The following PRDM1 variants were observed in gnomAD, a reference collection of about 807,000 sequenced individuals.
PRDM1 encodes the protein PR/SET domain 1, also known as PR domain zinc finger protein 1.
PRDM1 carries 13 observed loss-of-function variants against 62.8 expected under a neutral mutation model. That is an observed-to-expected ratio of 0.21 (90% CI 0.13 to 0.33). PRDM1 has a LOEUF of 0.33. PRDM1 is among the 10% of genes least tolerant of loss of function. The probability of loss-of-function intolerance (pLI) is 1.00; values close to 1 mark genes in which losing one functional copy is unlikely to be tolerated. For missense variants in PRDM1, 895 were observed against 1,058.8 expected (o/e 0.85, Z 2.15); for synonymous variants, 396 against 417.6 (o/e 0.95, Z 0.63).
chr6:106,077,434 A>G (rs559583247), intron 1 of PRDM1, among the ~76,000 whole-genome samples: 81 of 152,330 alleles, frequency 5.3e-4, no homozygotes, highest in African/African-American at 1.9e-3. Context: ...ATGGAGCCCA[A>G]GGCTCCCTGT....
intron 1 of PRDM1, among the ~76,000 whole-genome samples, chr6:106,017,432 T>G (rs184961971): frequency 6.6e-6 from 1 of 152,328 alleles, no homozygotes; most frequent in East Asian, 1.9e-4. Context: ...ACACTCTTGC[T>G]CTGTGTGTGT....
In PRDM1 at chr6:106,109,474, G is replaced by A; in HGVS notation, c.*1988G>A. 4.3e-6 allele frequency: 1 copy of A among 233,592 alleles called. No individual in the cohort carries two copies. Among genetic ancestry groups the A allele is most frequent in the Non-Finnish European group, 8.5e-6 (1 of 117,948 alleles). The allele number at this position is 233,592 out of a possible 1,614,324, so 14.5% of individuals were successfully genotyped here. On this transcript the variant is annotated 3_prime_UTR_variant, in exon 7 of 7. Coordinates refer to ENST00000369096, the MANE Select transcript of PRDM1 (RefSeq NM_001198.4). ...CATCAACTAATGTTCACCTGTAGAAGAGAACAAATTTCGAATAATCCAGGG... is the reference window on the plus strand; with the variant it reads ...CATCAACTAATGTTCACCTGTAGAAAAGAACAAATTTCGAATAATCCAGGG...
intron 1 of PRDM1, among the ~76,000 whole-genome samples, chr6:106,011,576 C>T (rs1222578988): frequency 6.6e-6 from 1 of 152,074 alleles, no homozygotes; most frequent in Non-Finnish European, 1.5e-5. Flanking sequence ...GGGCAGTGCC[C>T]AGACAAGTGG....
intron 1 of PRDM1, among the ~76,000 whole-genome samples, chr6:106,039,675 G>T (rs1772966101): frequency 6.6e-6 from 1 of 152,050 alleles, no homozygotes. Flanking sequence ...AAATTCAAGT[G>T]TATAATTTTA....
At chr6:106,101,991 A>G (rs927646109) in intron 4 of PRDM1, among the ~76,000 whole-genome samples, 2 of 152,198 alleles carry the variant, frequency 1.3e-5, no homozygotes, top group African/African-American at 4.8e-5. Flanking sequence ...TTTTCTATCT[A>G]TCTAACTAAC....
chr6:106,023,032 C>T (rs895203375), intron 1 of PRDM1, among the ~76,000 whole-genome samples: 1 of 152,184 alleles, frequency 6.6e-6, no homozygotes, highest in Non-Finnish European at 1.5e-5. Flanking sequence ...TTCTTACTTA[C>T]AGACTGTCAG....
rs755026483 is a variant in PRDM1, at chr6:106,106,487, ACATGAATGC to A, written c.1893_1901del (p.His631_Cys633del). 6.2e-7 allele frequency: 1 copy of A among 1,614,186 alleles called. No homozygotes were observed. The highest frequency in any genetic ancestry group is 8.5e-7 in the Non-Finnish European group (1 of 1,180,030). On this transcript the variant is annotated inframe_deletion, in exon 6 of 7. Transcript: ENST00000369096. The surrounding 1 kb of genome is among the most constrained non-coding windows in gnomAD (Gnocchi z 4.4). ...ACCTGGTACACACGGGAGAAAAGCCACATGAATGCCAGGTGCGCAGTATTTTCTGGGTAG... is the reference window on the plus strand; with the variant it reads ...ACCTGGTACACACGGGAGAAAAGCCACAGGTGCGCAGTATTTTCTGGGTAG...
Position 106,109,029 on chromosome 6 carries a change from A to G in PRDM1, c.*1543A>G, listed in dbSNP as rs1161651127. On this transcript the variant is annotated 3_prime_UTR_variant, in exon 7 of 7. Coordinates refer to ENST00000369096, the MANE Select transcript of PRDM1 (RefSeq NM_001198.4). ...ATTTATACCACTATATCATATGTAT[A>G]TATATTTATAACCACTTAAATTGTG... is the stretch of plus-strand genomic sequence containing the variant. The G allele has an allele frequency of 4.9e-6, 1 of 204,282 alleles. No homozygotes were observed. The highest frequency in any genetic ancestry group is 1.9e-4 in the South Asian group (1 of 5,146). The allele number at this position is 204,282 out of a possible 1,614,324, so 12.7% of individuals were successfully genotyped here.
At chr6:106,064,735 G>A (rs1773405172) in intron 1 of PRDM1, among the ~76,000 whole-genome samples, 1 of 152,136 alleles carries the variant, frequency 6.6e-6, no homozygotes. Flanking sequence ...CCTTACAGAT[G>A]CTGAATTAAA....
intron 2 of PRDM1, among the ~76,000 whole-genome samples, chr6:106,093,768 A>AG (rs1244482354): frequency 6.6e-6 from 1 of 152,230 alleles, no homozygotes; most frequent in Non-Finnish European, 1.5e-5. Context: ...GGTGATTAAA[A>AG]GGGCAGATAG....
intron 1 of PRDM1, among the ~76,000 whole-genome samples, chr6:106,080,167 G>A (rs1289092777): frequency 6.6e-6 from 1 of 152,212 alleles, no homozygotes; most frequent in Non-Finnish European, 1.5e-5. Flanking sequence ...TAATTAGTGA[G>A]ATGTCAGCTA....
At chr6:106,080,263 G>A (rs1265972700) in intron 1 of PRDM1, among the ~76,000 whole-genome samples, 1 of 152,226 alleles carries the variant, frequency 6.6e-6, no homozygotes, top group Admixed American at 6.5e-5. Flanking sequence ...TGGATCCTAA[G>A]TGTGCCTCGT....
chr6:106,094,289 T>C (rs1774033077), intron 2 of PRDM1, among the ~76,000 whole-genome samples: 1 of 152,204 alleles, frequency 6.6e-6, no homozygotes, highest in Admixed American at 6.5e-5. Context: ...AGTAAAGTGA[T>C]AGGTAGGCTA....
intron 1 of PRDM1, among the ~76,000 whole-genome samples, chr6:106,007,922 A>G (rs1772501747): frequency 6.6e-6 from 1 of 152,064 alleles, no homozygotes; most frequent in South Asian, 2.1e-4. Flanking sequence ...CCTCTTCCCC[A>G]CTGCACCCTG....
chr6:106,030,996 C>CTTTTTTTTTTTTTTTT (rs11343130), intron 1 of PRDM1, among the ~76,000 whole-genome samples: 2 of 135,310 alleles, frequency 1.5e-5, no homozygotes, highest in Non-Finnish European at 3.2e-5. Flanking sequence ...TGTATTCTCT[C>CTTTTTTTTTTTTTTTT]TTTTTTTTTT....
chr6:106,093,873 T>TTTCA (rs1345965368), intron 2 of PRDM1, among the ~76,000 whole-genome samples: 2 of 152,232 alleles, frequency 1.3e-5, no homozygotes, highest in Non-Finnish European at 2.9e-5. Context: ...AACACTCTTG[T>TTTCA]TTCAACTTAT....
chr6:106,006,315 T>C (rs1772481524), intron 1 of PRDM1, among the ~76,000 whole-genome samples: 1 of 152,206 alleles, frequency 6.6e-6, no homozygotes, highest in South Asian at 2.1e-4. Context: ...TAGTGACTTT[T>C]GGTATAAACT....
intron 4 of PRDM1, chr6:106,099,856 T>C (rs1156975649): frequency 2.5e-6 from 1 of 398,578 alleles, no homozygotes; most frequent in East Asian, 5.3e-5. Flanking sequence ...ATTACAGGGA[T>C]TGGTCCAGAC....
intron 1 of PRDM1, among the ~76,000 whole-genome samples, chr6:106,068,771 C>T (rs558752561): frequency 6.6e-6 from 1 of 152,216 alleles, no homozygotes; most frequent in Non-Finnish European, 1.5e-5. Context: ...AGAGGACATA[C>T]AGGCATTTTT....
Sources: allele counts gnomAD v4.1 joint callset (sites outside exome capture counted in the v4.1 genomes callset), GRCh38; gene constraint gnomAD v4.1.1; non-coding constraint Gnocchi (gnomAD v3.1); transcripts MANE v1.5; gene names NCBI Gene and HGNC (gene_info 2026-07-23, HGNC 2026-07-21).